GLS2: variants seen among roughly 807,000 people sequenced by gnomAD.
GLS2 encodes glutaminase 2.
A neutral mutation model predicts 79.0 loss-of-function variants in GLS2; 52 were observed. The ratio of observed to expected loss-of-function variants is 0.66; its 90% CI spans 0.53 to 0.83. The LOEUF is 0.83. GLS2 is among the 40% of genes least tolerant of loss of function. The probability of loss-of-function intolerance (pLI) is 0.00; values close to 1 mark genes in which losing one functional copy is unlikely to be tolerated. For synonymous variants in GLS2, 238 were observed against 280.8 expected (o/e 0.85, Z 1.52); for missense variants, 561 against 764.8 (o/e 0.73, Z 3.14).
At chr12:56,481,889 C>G (rs1374021494) in intron 1 of GLS2, among the ~76,000 whole-genome samples, 1 of 149,502 alleles carries the variant, frequency 6.7e-6, no homozygotes, top group Non-Finnish European at 1.5e-5. Flanking sequence ...AAAACTCCAT[C>G]TCAAAACAAA....
rs1870839036 is a variant in GLS2 at position 56,488,073 on chromosome 12, T to G, written c.46A>C (p.Ser16Arg). The change falls in exon 1 of 18, where the codon AGT becomes CGT. Residue 16 changes from serine (S) to arginine (R), a missense_variant. Ser to Arg is a moderately radical substitution (Grantham distance 110, BLOSUM62 -1). Coordinates refer to ENST00000311966, the MANE Select transcript of GLS2 (RefSeq NM_013267.4). ...CCCCAGCCTCCTCGCCCGCAGTGAC[T>G]GCCAGCCCGGCTCAGGGCCTTCTGC... ...ALQKALSRAG[S>R]HCGRGGWGHP... The G allele has an allele frequency of 1.3e-6, 2 of 1,576,850 alleles. No individual in the cohort carries two copies.
rs1412517478 is a variant in GLS2 at position 56,473,212 on chromosome 12, C to G, written c.1449+16G>C. 1 of 1,612,048 alleles carries G rather than the reference C, an allele frequency of 6.2e-7. No homozygotes were observed. Among genetic ancestry groups the G allele is most frequent in the Admixed American group, 1.7e-5 (1 of 59,982 alleles). On this transcript the variant is annotated intron_variant, in intron 14 of 17. Transcript: ENST00000311966. ...CCTTTGAAATATTCTTACAAGCCAC[C>G]TGGAGTTTTCCTTACCCGAATTTCT... is the stretch of plus-strand genomic sequence containing the variant.
chr12:56,475,985 G>C lies in GLS2; in HGVS notation c.838-8C>G. 6.2e-7 allele frequency: 1 copy of C among 1,612,562 alleles called. No individual in the cohort carries two copies. The highest frequency in any genetic ancestry group is 8.5e-7 in the Non-Finnish European group (1 of 1,179,828). On this transcript the variant is annotated splice_polypyrimidine_tract_variant and splice_region_variant and intron_variant, in intron 7 of 17. Transcript: ENST00000311966. ...TGCTTTGTTACAGTCCATCTGCAGA[G>C]AAAGAGAGAGATGTCAGCATTCTAA...
Position 56,474,701 on chromosome 12 carries a change from G to T in GLS2, c.1067C>A (p.Thr356Asn). The change falls in exon 12 of 18, where the codon ACT becomes AAT. Residue 356 changes from threonine (T) to asparagine (N), a missense_variant. Physicochemically the swap from Thr to Asn is moderately conservative, Grantham distance 65. Around this residue, in one of 4 missense-constraint regions of GLS2, gnomAD observed 221 missense variants for 275.6 expected, o/e 0.80. Transcript: ENST00000311966. ...LYFQLCSVEV[T>N]CESGSVMAAT... ...TGCCATGACACTGCCTGATTCACAA[G>T]TGACCTCCACAGAACACAGCTATGA... The T allele has an allele frequency of 6.2e-7, 1 of 1,611,704 alleles. No homozygotes were observed. Among genetic ancestry groups the T allele is most frequent in the African/African-American group, 1.3e-5 (1 of 75,044 alleles).
intron 7 of GLS2, 185 bp from the exon 8 acceptor site, chr12:56,476,162 T>C (rs895639526): frequency 2.0e-6 from 1 of 512,230 alleles, no homozygotes; most frequent in Admixed American, 4.4e-5. Context: ...TCTCTTTCTC[T>C]TTCTTTTTTT....
intron 9 of GLS2, chr12:56,475,344 A>G (rs1427575684): frequency 4.4e-6 from 5 of 1,137,496 alleles, no homozygotes; most frequent in Non-Finnish European, 6.1e-6. Context: ...GTCATCTAGG[A>G]AAACTGGTGA....
intron 1 of GLS2, among the ~76,000 whole-genome samples, chr12:56,485,224 G>T (rs1441200994): frequency 6.6e-6 from 1 of 151,866 alleles, no homozygotes; most frequent in Non-Finnish European, 1.5e-5. Context: ...CTCTAATACT[G>T]GGATATTTCT....
At chr12:56,481,804 T>C (rs1013362219) in intron 1 of GLS2, among the ~76,000 whole-genome samples, 8 of 151,392 alleles carry the variant, frequency 5.3e-5, no homozygotes, top group African/African-American at 2.0e-4. Flanking sequence ...GGCAAGAGAA[T>C]TGCTTGAACC....
chr12:56,488,147 G>A lies in GLS2; in HGVS notation c.-29C>T, dbSNP rs775561682. The stretch of plus-strand genomic sequence containing the variant: ...CCAGCAAGCCTCCGGCTCTGCAGGT[G>A]CGCCCGGGACCTCTAGCTGTGGCTG... On this transcript the variant is annotated 5_prime_UTR_variant, in exon 1 of 18. Coordinates refer to ENST00000311966, the MANE Select transcript of GLS2 (RefSeq NM_013267.4). 6.6e-7 allele frequency: 1 copy of A among 1,515,140 alleles called. No individual in the cohort carries two copies. The highest frequency in any genetic ancestry group is 8.8e-7 in the Non-Finnish European group (1 of 1,140,970). 93.9% of individuals were successfully genotyped at this position (1,515,140 alleles called of 1,614,324 possible).
intron 12 of GLS2, chr12:56,474,092 C>CTTTT (rs67377312): frequency 2.0e-5 from 2 of 98,938 alleles, no homozygotes; most frequent in Non-Finnish European, 4.4e-5. Context: ...TTTTCTTTTT[C>CTTTT]TTTTTTTCTT....
At chr12:56,478,452 T>C in intron 4 of GLS2, 190 bp from the exon 5 acceptor site, 2 of 602,210 alleles carry the variant, frequency 3.3e-6, no homozygotes. Flanking sequence ...TCTTTGTGTA[T>C]CCGCAATCCT....
At chr12:56,472,532 A>T (rs556926684) in intron 15 of GLS2, 158 bp downstream of exon 15, 78 of 655,066 alleles carry the variant, frequency 1.2e-4, no homozygotes, top group Middle Eastern at 3.9e-4. Context: ...TACTTTTTTT[A>T]AAAAAAATCT....
intron 5 of GLS2, 40 bp from the exon 6 acceptor site, chr12:56,478,136 T>G: frequency 6.2e-7 from 1 of 1,614,142 alleles, no homozygotes; most frequent in Non-Finnish European, 8.5e-7. Flanking sequence ...TTGGCCTGTG[T>G]TCGGCACCTG....
chr12:56,474,975 C>T, intron 10 of GLS2, 69 bp downstream of exon 10: 1 of 1,613,734 alleles, frequency 6.2e-7, no homozygotes, highest in Non-Finnish European at 8.5e-7. Context: ...CTGAAGCCCC[C>T]AACCCCTACT....
At chr12:56,472,956 C>T (rs1869438537) in intron 14 of GLS2, 1 of 562,266 alleles carries the variant, frequency 1.8e-6, no homozygotes, top group African/African-American at 2.0e-5. Flanking sequence ...GGCGCGCGGT[C>T]TTGGCTCACT....
In GLS2 at chr12:56,488,134, C is replaced by T; in HGVS notation, c.-16G>A. ...TGGAGCGCATGCCCCAGCAAGCCTC[C>T]GGCTCTGCAGGTGCGCCCGGGACCT... On this transcript the variant is annotated 5_prime_UTR_variant, in exon 1 of 18. Transcript: ENST00000311966. The T allele has an allele frequency of 2.0e-6, 3 of 1,520,886 alleles. No individual in the cohort carries two copies. The highest frequency in any genetic ancestry group is 2.6e-6 in the Non-Finnish European group (3 of 1,143,226). 94.2% of individuals were successfully genotyped at this position (1,520,886 alleles called of 1,614,324 possible).
In GLS2 at chr12:56,479,083, A is replaced by C; in HGVS notation, c.503T>G (p.Phe168Cys). The C allele has an allele frequency of 1.9e-6, 3 of 1,613,984 alleles. No homozygotes were observed. The South Asian group carries it at 3.3e-5, about 18-fold the overall frequency. ...TCCAGTGAGCTCTTTGACATCCTCA[A>C]AGATGCGATCCACATGGCCCGTGAA... Reference protein sequence around the residue: ...EEFTGHVDRIFEDVKELTGGK... With the variant: ...EEFTGHVDRICEDVKELTGGK... Residue 168 changes from phenylalanine to cysteine, a missense_variant, in exon 4 of 18, where the codon TTT becomes TGT. This residue lies in a region of GLS2 where 43 missense variants were observed against 92.8 expected (regional missense o/e 0.46). Coordinates refer to ENST00000311966, the MANE Select transcript of GLS2 (RefSeq NM_013267.4).
intron 12 of GLS2, 114 bp from the exon 13 acceptor site, chr12:56,473,708 C>T (rs539281882): frequency 7.5e-7 from 1 of 1,333,670 alleles, no homozygotes; most frequent in Non-Finnish European, 1.0e-6. Flanking sequence ...CACAATCCAC[C>T]TCAACCTTTT....
chr12:56,480,208 T>C, intron 2 of GLS2, 80 bp downstream of exon 2: 2 of 1,237,694 alleles, frequency 1.6e-6, no homozygotes, highest in Non-Finnish European at 2.3e-6. Flanking sequence ...TTAGCTGCCC[T>C]GCACTTGTCA....
Sources: gnomAD v4.1 joint callset for allele counts (sites outside exome capture counted in the v4.1 genomes callset) on GRCh38, gnomAD v4.1.1 for gene constraint, gnomAD v4.1.1 regional missense constraint, MANE v1.5 for transcripts, NCBI Gene and HGNC (gene_info 2026-07-23, HGNC 2026-07-21) for gene names.